Variants in CRX observed in about 807,000 individuals in gnomAD.
CRX encodes cone-rod homeobox.
A neutral mutation model predicts 13.1 loss-of-function variants in CRX; 5 were observed. The ratio of observed to expected loss-of-function variants is 0.38; its 90% CI spans 0.20 to 0.80. CRX has a LOEUF of 0.80. Among genes scored for constraint, CRX ranks in the 30% least tolerant of loss-of-function variants. The probability of loss-of-function intolerance (pLI) is 0.43; values close to 1 mark genes in which losing one functional copy is unlikely to be tolerated. For synonymous variants in CRX, 179 were observed against 171.1 expected (o/e 1.05, Z -0.36); for missense variants, 351 against 391.8 (o/e 0.90, Z 0.88).
At position 47,842,020 on chromosome 19, in the gene CRX, C is replaced by T. The variant is rs1423178082; in HGVS notation, c.*2053C>T. The T allele has an allele frequency of 6.6e-6, 1 of 152,152 alleles. No homozygotes were observed. Among genetic ancestry groups the T allele is most frequent in the African/African-American group, 2.4e-5 (1 of 41,402 alleles). 9.4% of individuals were successfully genotyped at this position (152,152 alleles called of 1,614,324 possible). A position where few individuals can be genotyped will look rare whatever the true frequency, so the allele number is the denominator to read the frequency against. ...AAGCTAGCAACCGGAGGTCACTGAA[C>T]TAAGAGTTGGGAAGAGATAGGGCAC... is the stretch of plus-strand genomic sequence containing the variant. On this transcript the variant is annotated 3_prime_UTR_variant, in exon 4 of 4. Transcript: ENST00000221996.
rs1968164017 is a variant in CRX at position 47,839,455 on chromosome 19, G to A, written c.388G>A (p.Asp130Asn). 6.2e-7 allele frequency: 1 copy of A among 1,613,980 alleles called. No individual in the cohort carries two copies. The highest frequency in any genetic ancestry group is 8.5e-7 in the Non-Finnish European group (1 of 1,179,928). The change falls in exon 4 of 4, where the codon GAT becomes AAT. Residue 130 changes from aspartate to asparagine, a missense_variant. Transcript: ENST00000221996. The surrounding 1 kb of genome is among the most constrained non-coding windows in gnomAD (Gnocchi z 4.6). ...KAGTSPRPSTDVCPDPLGISD... is the reference protein window; with the variant it reads ...KAGTSPRPSTNVCPDPLGISD... Reference sequence around the variant, plus strand: ...GGGCACGTCCCCAAGACCCTCCACAGATGTGTGTCCAGACCCTCTGGGCAT... The same window carrying A: ...GGGCACGTCCCCAAGACCCTCCACAAATGTGTGTCCAGACCCTCTGGGCAT...
At chr19:47,830,852 C>T (rs1316393104) in intron 1 of CRX, among the ~76,000 whole-genome samples, 2 of 150,268 alleles carry the variant, frequency 1.3e-5, no homozygotes, top group Non-Finnish European at 3.0e-5. Flanking sequence ...TCAGGAAAGA[C>T]GGGCTGGAGA....
chr19:47,831,845 C>T (rs1326330598), intron 1 of CRX, among the ~76,000 whole-genome samples: 1 of 151,962 alleles, frequency 6.6e-6, no homozygotes, highest in Admixed American at 6.6e-5. Flanking sequence ...CGGGCTCAAG[C>T]GATTCTCCTG....
chr19:47,839,549 C>T lies in CRX; in HGVS notation c.482C>T (p.Ser161Phe). 1 of 1,613,046 alleles carries T rather than the reference C, an allele frequency of 6.2e-7. No individual in the cohort carries two copies. Among genetic ancestry groups the T allele is most frequent in the Non-Finnish European group, 8.5e-7 (1 of 1,179,348 alleles). Residue 161 changes from serine to phenylalanine, a missense_variant, in exon 4 of 4, where the codon TCC (serine) becomes TTC (phenylalanine). Ser to Phe is a radical substitution (Grantham distance 155). This residue lies in a region of CRX where 253 missense variants were observed against 268.3 expected (regional missense o/e 0.94). Coordinates refer to ENST00000221996, the MANE Select transcript of CRX (RefSeq NM_000554.6). The surrounding 1 kb of genome is among the most constrained non-coding windows in gnomAD (Gnocchi z 4.6). ...GSPTTAVATV[S>F]IWSPASESPL... ...CCAACCACGGCAGTGGCCACTGTGT[C>T]CATCTGGAGCCCAGCCTCAGAGTCC... is the stretch of plus-strand genomic sequence containing the variant.
intron 1 of CRX, among the ~76,000 whole-genome samples, chr19:47,828,358 T>C (rs754818915): frequency 9.9e-5 from 15 of 152,022 alleles, no homozygotes; most frequent in Non-Finnish European, 1.9e-4. Flanking sequence ...GTCCCCCTCC[T>C]CATGTGAGGG....
chr19:47,840,027 T>C lies in CRX; in HGVS notation c.*60T>C. 1.3e-6 allele frequency: 2 copies of C among 1,590,418 alleles called. No homozygotes were observed. The highest frequency in any genetic ancestry group is 2.2e-5 in the East Asian group (1 of 44,778). On this transcript the variant is annotated 3_prime_UTR_variant, in exon 4 of 4. Transcript: ENST00000221996. ...GGGACCCTTTCTCTTCTGAATCTGCTTCCCTGCAGTTTAGATCCCGGGATG... is the reference window on the plus strand; with the variant it reads ...GGGACCCTTTCTCTTCTGAATCTGCCTCCCTGCAGTTTAGATCCCGGGATG...
At chr19:47,835,620 G>GTTTTT (rs34872129) in intron 2 of CRX, among the ~76,000 whole-genome samples, 5 of 102,208 alleles carry the variant, frequency 4.9e-5, no homozygotes, top group African/African-American at 1.6e-4. Flanking sequence ...TTTAGCTCTT[G>GTTTTT]TTTTTTTTTT....
chr19:47,823,649 GTTTTT>G (rs58548004), intron 1 of CRX, among the ~76,000 whole-genome samples: 2 of 129,570 alleles, frequency 1.5e-5, no homozygotes, highest in Non-Finnish European at 3.2e-5. Flanking sequence ...CATGAGTCTG[GTTTTT>G]TTTTTTTTTT....
At chr19:47,832,105 G>GTTTTTTTTTTT (rs71180891) in intron 1 of CRX, among the ~76,000 whole-genome samples, 4,792 of 91,692 alleles carry the variant, frequency 0.052, 878 homozygotes, top group Middle Eastern at 0.074. Context: ...GCAGCCTTAT[G>GTTTTTTTTTTT]TTTTTTTTTT....
chr19:47,839,182 G>A lies in CRX; in HGVS notation c.253-138G>A. On this transcript the variant is annotated intron_variant, in intron 3 of 3. Coordinates refer to ENST00000221996, the MANE Select transcript of CRX (RefSeq NM_000554.6). The surrounding 1 kb of genome is among the most constrained non-coding windows in gnomAD (Gnocchi z 4.6). ...TAGATGGATGGATGGGTGAATAGAC[G>A]CCCCACAGCTGGATGCAAAGTAGAC... 4.6e-6 allele frequency: 4 copies of A among 878,586 alleles called. No individual in the cohort carries two copies. The highest frequency in any genetic ancestry group is 1.6e-5 in the South Asian group (1 of 60,764). 54.4% of individuals were successfully genotyped at this position (878,586 alleles called of 1,614,324 possible). A position where few individuals can be genotyped will look rare whatever the true frequency, so the allele number is the denominator to read the frequency against.
At position 47,834,563 on chromosome 19, in the gene CRX, T is replaced by G; in HGVS notation, c.100+20T>G. ...ACCCAAGTGAGTACAGTCGTTTCTC[T>G]TGGCACCCCAGGCTGGCCTCATCTC... On this transcript the variant is annotated intron_variant, in intron 2 of 3. Transcript: ENST00000221996. The G allele has an allele frequency of 6.2e-7, 1 of 1,603,100 alleles. No homozygotes were observed. The highest frequency in any genetic ancestry group is 8.5e-7 in the Non-Finnish European group (1 of 1,170,340).
Position 47,836,095 on chromosome 19 carries a change from G to A in CRX, c.101-148G>A, listed in dbSNP as rs1484017123. On this transcript the variant is annotated intron_variant, in intron 2 of 3. Transcript: ENST00000221996. ...AGCCACAGAGTGCCAGGCACACAGTGAGGTGTAGAAGGGCAGGGAATGTGT... is the reference window on the plus strand; with the variant it reads ...AGCCACAGAGTGCCAGGCACACAGTAAGGTGTAGAAGGGCAGGGAATGTGT... 3.1e-6 allele frequency: 3 copies of A among 953,224 alleles called. No individual in the cohort carries two copies. The African/African-American group carries it at 4.8e-5, about 15-fold the overall frequency. The allele number at this position is 953,224 out of a possible 1,614,324, so 59.0% of individuals were successfully genotyped here.
chr19:47,823,087 C>T (rs1412713649), intron 1 of CRX, among the ~76,000 whole-genome samples: 1 of 152,102 alleles, frequency 6.6e-6, no homozygotes, highest in Non-Finnish European at 1.5e-5. Context: ...TGAGCCTCTG[C>T]GCCCAGCCGG....
chr19:47,824,804 C>T (rs1967955315), intron 1 of CRX, among the ~76,000 whole-genome samples: 1 of 152,048 alleles, frequency 6.6e-6, no homozygotes, highest in African/African-American at 2.4e-5. Flanking sequence ...AGGTTGATCC[C>T]CAGGGCAGAG....
intron 3 of CRX, among the ~76,000 whole-genome samples, chr19:47,838,841 G>A (rs1490662827): frequency 1.4e-5 from 2 of 145,480 alleles, no homozygotes; most frequent in African/African-American, 4.9e-5. Context: ...GTGCATGTTT[G>A]TATTAGATGG....
At chr19:47,837,650 AGATG>A (rs1223716713) in intron 3 of CRX, among the ~76,000 whole-genome samples, 1 of 103,568 alleles carries the variant, frequency 9.7e-6, no homozygotes, top group African/African-American at 3.0e-5. Context: ...TTGTATAATC[AGATG>A]GATGGATGAA....
chr19:47,832,934 C>G (rs1236755079), intron 1 of CRX, among the ~76,000 whole-genome samples: 2 of 152,022 alleles, frequency 1.3e-5, no homozygotes, highest in African/African-American at 4.8e-5. Flanking sequence ...GGGAGTGTGC[C>G]TTTCCCCACA....
At chr19:47,838,610 T>C (rs1006736873) in intron 3 of CRX, among the ~76,000 whole-genome samples, 1 of 152,122 alleles carries the variant, frequency 6.6e-6, no homozygotes, top group Non-Finnish European at 1.5e-5. Flanking sequence ...AGTGAATGTA[T>C]GTATGATGTA....
intron 1 of CRX, among the ~76,000 whole-genome samples, chr19:47,831,938 C>A (rs1394240875): frequency 6.6e-6 from 1 of 150,526 alleles, no homozygotes; most frequent in Non-Finnish European, 1.5e-5. Flanking sequence ...GACGTTTCAC[C>A]ATGTTGGCCA....
Sources: gnomAD v4.1 joint callset for allele counts (sites outside exome capture counted in the v4.1 genomes callset) on GRCh38, gnomAD v4.1.1 for gene constraint, gnomAD v4.1.1 regional missense constraint, Gnocchi (gnomAD v3.1) non-coding constraint, MANE v1.5 for transcripts, NCBI Gene and HGNC (gene_info 2026-07-23, HGNC 2026-07-21) for gene names.